IQGAP2: variants seen among roughly 807,000 people sequenced by gnomAD.
The protein encoded by IQGAP2 is IQ motif containing GTPase activating protein 2.
A neutral mutation model predicts 201.3 loss-of-function variants in IQGAP2; 173 were observed. The observed-to-expected ratio is 0.86, with a 90% CI of 0.76 to 0.98. The LOEUF is 0.98. Among genes scored for constraint, IQGAP2 ranks in the 50% least tolerant of loss-of-function variants. The probability of loss-of-function intolerance (pLI) is 0.00; values close to 1 mark genes in which losing one functional copy is unlikely to be tolerated. For synonymous variants in IQGAP2, 675 were observed against 673.9 expected (o/e 1.00, Z -0.03); for missense variants, 1,687 against 1,864.8 (o/e 0.90, Z 1.76).
chr5:76,483,536 A>G (rs1755918390), intron 2 of IQGAP2, among the ~76,000 whole-genome samples: 1 of 152,240 alleles, frequency 6.6e-6, no homozygotes, highest in Non-Finnish European at 1.5e-5. Flanking sequence ...CATCTTGGAT[A>G]GGGCTGGATG....
At chr5:76,421,197 A>G (rs1477631996) in intron 1 of IQGAP2, among the ~76,000 whole-genome samples, 2 of 152,192 alleles carry the variant, frequency 1.3e-5, no homozygotes, top group African/African-American at 2.4e-5. Flanking sequence ...TGAAGTATCC[A>G]TGACTTGAAG....
chr5:76,512,974 G>A (rs1758072423), intron 2 of IQGAP2, among the ~76,000 whole-genome samples: 2 of 151,884 alleles, frequency 1.3e-5, no homozygotes, highest in African/African-American at 2.4e-5. Flanking sequence ...AGAATCGCTT[G>A]AACCTAGTAG....
chr5:76,597,887 C>T (rs1747151614), intron 10 of IQGAP2, among the ~76,000 whole-genome samples: 1 of 152,038 alleles, frequency 6.6e-6, no homozygotes, highest in South Asian at 2.1e-4. Context: ...TTTGAAGACA[C>T]CTTGGATAAA....
At chr5:76,463,735 G>A (rs1754618404) in intron 2 of IQGAP2, among the ~76,000 whole-genome samples, 2 of 152,018 alleles carry the variant, frequency 1.3e-5, no homozygotes, top group African/African-American at 4.8e-5. Context: ...TTATCAAAAT[G>A]TACAATTTTT....
chr5:76,425,071 C>G (rs1039096432), intron 1 of IQGAP2, among the ~76,000 whole-genome samples: 1 of 152,210 alleles, frequency 6.6e-6, no homozygotes, highest in African/African-American at 2.4e-5. Context: ...CACAGTCAGA[C>G]CTTTCCTGCT....
At chr5:76,704,448 A>C (rs971006104) in intron 35 of IQGAP2, among the ~76,000 whole-genome samples, 1 of 152,220 alleles carries the variant, frequency 6.6e-6, no homozygotes, top group African/African-American at 2.4e-5. Flanking sequence ...TCCTTTGTTA[A>C]GGATTCTGTA....
At chr5:76,618,595 T>TA (rs1451393857) in intron 13 of IQGAP2, 2 of 1,613,972 alleles carry the variant, frequency 1.2e-6, no homozygotes, top group Non-Finnish European at 1.7e-6. Flanking sequence ...CGAAAGGTCT[T>TA]AATGGGTAAG....
intron 1 of IQGAP2, among the ~76,000 whole-genome samples, chr5:76,404,927 A>C (rs1750715604): frequency 6.7e-6 from 1 of 149,794 alleles, no homozygotes. Context: ...CCACAGATAC[A>C]GCAGAGCCCG....
chr5:76,585,604 T>C (rs960064732), intron 5 of IQGAP2, among the ~76,000 whole-genome samples: 1 of 151,772 alleles, frequency 6.6e-6, no homozygotes, highest in South Asian at 2.1e-4. Flanking sequence ...AACCTCCACC[T>C]CCTGGGTTCA....
In IQGAP2 at chr5:76,589,719, G is replaced by A. The variant is rs1340633690; in HGVS notation, c.631G>A (p.Glu211Lys). The change falls in exon 7 of 36, where the codon GAA becomes AAA. Residue 211 changes from glutamate to lysine, a missense_variant. Transcript: ENST00000274364. ...TCTGGCCAATGAACTGTCCGTGGATGAAGCTGCATGTAAGTCCATTCAAAA... is the reference window on the plus strand; with the variant it reads ...TCTGGCCAATGAACTGTCCGTGGATAAAGCTGCATGTAAGTCCATTCAAAA... ...GILANELSVD[E>K]AALHAAVIAI... 1.3e-6 allele frequency: 2 copies of A among 1,588,066 alleles called. No homozygotes were observed. The highest frequency in any genetic ancestry group is 1.7e-6 in the Non-Finnish European group (2 of 1,165,094).
intron 2 of IQGAP2, among the ~76,000 whole-genome samples, chr5:76,464,830 C>T (rs967056978): frequency 2.0e-5 from 3 of 151,884 alleles, no homozygotes; most frequent in South Asian, 4.2e-4. Flanking sequence ...TTGACAAATT[C>T]CTAGAATGAC....
In IQGAP2 at chr5:76,683,784, G is replaced by A. The variant is rs1454282048; in HGVS notation, c.3772G>A (p.Ala1258Thr). The change falls in exon 30 of 36, where the codon GCA becomes ACA. Residue 1258 changes from alanine (A) to threonine (T), a missense_variant. By Grantham distance (58) the Ala-to-Thr change is moderately conservative. Coordinates refer to ENST00000274364, the MANE Select transcript of IQGAP2 (RefSeq NM_006633.5). Reference sequence around the variant, plus strand: ...AGGTTTTTTCCCTACAGGGGAAGGAGCAGTTGACCCCAATGACCCTAACAA... The same window carrying A: ...AGGTTTTTTCCCTACAGGGGAAGGAACAGTTGACCCCAATGACCCTAACAA... ...PTVESFLGEGAVDPNDPNKAN... is the reference protein window; with the variant it reads ...PTVESFLGEGTVDPNDPNKAN... 5 of 1,610,368 alleles carry A rather than the reference G, an allele frequency of 3.1e-6. No homozygotes were observed. The highest frequency in any genetic ancestry group is 2.2e-5 in the East Asian group (1 of 44,752).
chr5:76,589,336 C>T (rs1746478247), intron 6 of IQGAP2, among the ~76,000 whole-genome samples: 1 of 150,238 alleles, frequency 6.7e-6, no homozygotes, highest in Non-Finnish European at 1.5e-5. Context: ...AAAAAAATTA[C>T]CAATACCTTT....
chr5:76,590,483 A>G lies in IQGAP2; in HGVS notation c.716A>G (p.Asn239Ser). ...IAEQTVVTLR[N>S]PNAVLTLVDD... is the part of the protein sequence containing the mutation. ...GAGCAAACCGTTGTAACACTAAGAA[A>G]CCCAAATGCGGTTTTAACTTTAGTG... Residue 239 changes from asparagine (N) to serine (S), a missense_variant, in exon 8 of 36, where the codon AAC becomes AGC. By Grantham distance (46) the Asn-to-Ser change is conservative. Transcript: ENST00000274364. 1 of 1,613,978 alleles carries G rather than the reference A, an allele frequency of 6.2e-7. No individual in the cohort carries two copies. Among genetic ancestry groups the G allele is most frequent in the South Asian group, 1.1e-5 (1 of 91,060 alleles).
intron 1 of IQGAP2, among the ~76,000 whole-genome samples, chr5:76,454,127 A>G (rs910608377): frequency 2.6e-5 from 4 of 152,066 alleles, no homozygotes; most frequent in African/African-American, 9.7e-5. Flanking sequence ...GAAATCCCAA[A>G]TCTAGGAATC....
intron 35 of IQGAP2, among the ~76,000 whole-genome samples, chr5:76,704,490 T>G (rs1371273331): frequency 6.6e-6 from 1 of 152,242 alleles, no homozygotes; most frequent in Non-Finnish European, 1.5e-5. Context: ...TACCATTCAT[T>G]TATACACATA....
chr5:76,622,438 C>A (rs1749791318), intron 13 of IQGAP2, among the ~76,000 whole-genome samples: 2 of 152,164 alleles, frequency 1.3e-5, no homozygotes, highest in South Asian at 2.1e-4. Flanking sequence ...GTTTCCCTTG[C>A]TATGTCCAGT....
rs73116016 is a variant in IQGAP2 at position 76,416,980 on chromosome 5, C to T, written c.46+13389C>T. ...AGTAGATGGGACCATAGGCATGCAC[C>T]GCTATGCCCAGCTAATTAAAAAAAA... On this transcript the variant is annotated intron_variant, in intron 1 of 35. Coordinates refer to ENST00000274364, the MANE Select transcript of IQGAP2 (RefSeq NM_006633.5). Among the ~76,000 whole-genome samples, 335 of 152,118 alleles carry T rather than the reference C, an allele frequency of 2.2e-3. 1 individual carries two copies. The highest frequency in any genetic ancestry group is 7.4e-3 in the African/African-American group (308 of 41,502).
At chr5:76,519,740 G>A (rs1305941973) in intron 2 of IQGAP2, among the ~76,000 whole-genome samples, 1 of 152,176 alleles carries the variant, frequency 6.6e-6, no homozygotes, top group Non-Finnish European at 1.5e-5. Context: ...ATATGTGGTA[G>A]TATCTCAGTG....
Sources: allele counts gnomAD v4.1 joint callset (sites outside exome capture counted in the v4.1 genomes callset), GRCh38; gene constraint gnomAD v4.1.1; transcripts MANE v1.5; gene names NCBI Gene and HGNC (gene_info 2026-07-23, HGNC 2026-07-21).